FAT3: variants seen among roughly 807,000 people sequenced by gnomAD.
The protein encoded by FAT3 is protocadherin Fat 3.
Under a neutral mutation model 310.2 loss-of-function variants are expected in FAT3, and 95 were observed. The ratio of observed to expected loss-of-function variants is 0.31; its 90% CI spans 0.26 to 0.36. The LOEUF (loss-of-function observed/expected upper bound fraction) is 0.36. Ranked by LOEUF, FAT3 falls within the 10% of genes least tolerant of loss-of-function variation. The pLI is 1.00. For synonymous variants in FAT3, 2,314 were observed against 2,192.9 expected (o/e 1.06, Z -1.54); for missense variants, 5,408 against 5,715.6 (o/e 0.95, Z 1.74).
chr11:92,447,226 T>TGTGC (rs1342272975), intron 2 of FAT3, among the ~76,000 whole-genome samples: 67 of 140,868 alleles, frequency 4.8e-4, no homozygotes, highest in Non-Finnish European at 6.2e-4. Context: ...TGTGTGCGTG[T>TGTGC]GTGTGTGTGT....
intron 3 of FAT3, among the ~76,000 whole-genome samples, chr11:92,535,200 A>G (rs1036828344): frequency 6.6e-6 from 1 of 152,170 alleles, no homozygotes; most frequent in African/African-American, 2.4e-5. Context: ...GGAGGCCCCA[A>G]CAACAGCCCT....
At chr11:92,419,588 A>G (rs1436411235) in intron 2 of FAT3, among the ~76,000 whole-genome samples, 1 of 152,142 alleles carries the variant, frequency 6.6e-6, no homozygotes, top group Non-Finnish European at 1.5e-5. Context: ...AGCTTTCTTT[A>G]ATCCTTAGGT....
intron 20 of FAT3, among the ~76,000 whole-genome samples, chr11:92,858,255 C>A (rs1949032636): frequency 6.6e-6 from 1 of 152,174 alleles, no homozygotes; most frequent in South Asian, 2.1e-4. Flanking sequence ...AAGGGACCAC[C>A]TGGATGCTTA....
intron 7 of FAT3, among the ~76,000 whole-genome samples, chr11:92,787,551 T>C (rs1339639322): frequency 6.6e-6 from 1 of 151,850 alleles, no homozygotes; most frequent in Non-Finnish European, 1.5e-5. Context: ...AATTCCTGGT[T>C]ATTCTTGCTT....
At chr11:92,766,455 G>T (rs914314027) in intron 6 of FAT3, among the ~76,000 whole-genome samples, 1 of 152,208 alleles carries the variant, frequency 6.6e-6, no homozygotes, top group Admixed American at 6.5e-5. Context: ...CTTGGGAAAA[G>T]CATTTAGAAA....
chr11:92,244,789 G>A (rs552674588), intron 1 of FAT3, among the ~76,000 whole-genome samples: 1 of 152,152 alleles, frequency 6.6e-6, no homozygotes, highest in South Asian at 2.1e-4. Flanking sequence ...CAGTGATGAT[G>A]AGCATCATCT....
chr11:92,833,476 G>GAGA (rs1329296577), intron 14 of FAT3, among the ~76,000 whole-genome samples: 1 of 152,202 alleles, frequency 6.6e-6, no homozygotes, highest in Non-Finnish European at 1.5e-5. Flanking sequence ...CAGAATTTCA[G>GAGA]AGAAGTTAAA....
At chr11:92,443,470 C>T (rs1169471145) in intron 2 of FAT3, among the ~76,000 whole-genome samples, 1 of 152,094 alleles carries the variant, frequency 6.6e-6, no homozygotes, top group Admixed American at 6.5e-5. Flanking sequence ...TGAACTCTTG[C>T]CAGTAAGTGA....
chr11:92,616,896 G>C (rs1218644781), intron 3 of FAT3, among the ~76,000 whole-genome samples: 1 of 152,074 alleles, frequency 6.6e-6, no homozygotes, highest in Non-Finnish European at 1.5e-5. Context: ...CTTTCTCTCT[G>C]GCTGCCCTTA....
At chr11:92,240,887 T>C (rs1864646267) in intron 1 of FAT3, among the ~76,000 whole-genome samples, 1 of 152,052 alleles carries the variant, frequency 6.6e-6, no homozygotes, top group Admixed American at 6.6e-5. Context: ...TTTGCAGAAC[T>C]GTTTTCCAGT....
chr11:92,810,112 G>A (rs1429443038), intron 13 of FAT3, 36 bp downstream of exon 13: 1 of 1,582,330 alleles, frequency 6.3e-7, no homozygotes, highest in East Asian at 2.2e-5. Flanking sequence ...GTCACACAGT[G>A]GACACTTTGT....
intron 3 of FAT3, among the ~76,000 whole-genome samples, chr11:92,529,366 C>T (rs1378940510): frequency 6.6e-6 from 1 of 152,062 alleles, no homozygotes; most frequent in Non-Finnish European, 1.5e-5. Context: ...GGAATATAAA[C>T]AAGTGAAGCT....
intron 19 of FAT3, among the ~76,000 whole-genome samples, chr11:92,854,210 C>T (rs1032027814): frequency 3.3e-5 from 5 of 152,174 alleles, no homozygotes; most frequent in Non-Finnish European, 7.3e-5. Flanking sequence ...CAGGTTTGGC[C>T]ACAACTTCGC....
intron 1 of FAT3, among the ~76,000 whole-genome samples, chr11:92,281,877 A>G (rs1404173352): frequency 6.6e-6 from 1 of 151,748 alleles, no homozygotes; most frequent in East Asian, 1.9e-4. Context: ...TCAAATCTCC[A>G]TCCCCACCAT....
intron 1 of FAT3, among the ~76,000 whole-genome samples, chr11:92,278,167 G>A (rs1481545105): frequency 3.9e-5 from 6 of 152,254 alleles, no homozygotes; most frequent in African/African-American, 1.2e-4. Context: ...TTTCTGAAGC[G>A]ATTGGTGAAT....
chr11:92,247,418 AC>A (rs1864961519), intron 1 of FAT3, among the ~76,000 whole-genome samples: 1 of 151,688 alleles, frequency 6.6e-6, no homozygotes, highest in Non-Finnish European at 1.5e-5. Flanking sequence ...CTCTTCTGCA[AC>A]TGCTGAAGTA....
chr11:92,618,911 T>C (rs764144209), intron 3 of FAT3, among the ~76,000 whole-genome samples: 2 of 152,212 alleles, frequency 1.3e-5, no homozygotes, highest in African/African-American at 2.4e-5. Flanking sequence ...TACACCCTTT[T>C]CTTATTCTTG....
At chr11:92,879,890 C>T (rs2136393550) in intron 22 of FAT3, among the ~76,000 whole-genome samples, 1 of 152,162 alleles carries the variant, frequency 6.6e-6, no homozygotes, top group East Asian at 1.9e-4. Context: ...CAAAATAAAA[C>T]TTGTAGAACT....
intron 3 of FAT3, among the ~76,000 whole-genome samples, chr11:92,587,010 T>G (rs370123276): frequency 2.0e-5 from 3 of 152,078 alleles, no homozygotes; most frequent in African/African-American, 7.2e-5. Flanking sequence ...ATATAAGAGA[T>G]TTCTTATTAG....
Sources: allele counts gnomAD v4.1 joint callset (sites outside exome capture counted in the v4.1 genomes callset), GRCh38; gene constraint gnomAD v4.1.1; transcripts MANE v1.5; gene names NCBI Gene and HGNC (gene_info 2026-07-23, HGNC 2026-07-21).